Variants in S100A5 observed in about 807,000 individuals in gnomAD.
S100A5 encodes S100 calcium binding protein A5, also known as protein S100-A5.
S100A5 carries 5 observed loss-of-function variants against 6.7 expected under a neutral mutation model. The ratio of observed to expected loss-of-function variants is 0.75; its 90% confidence interval spans 0.39 to 1.57. The LOEUF (loss-of-function observed/expected upper bound fraction) is 1.57, where lower values mean the gene tolerates loss of function less well. Ranked by LOEUF, S100A5 falls within the 40% of genes most tolerant of loss-of-function variation. The pLI is 0.03. For missense variants in S100A5, 129 were observed against 110.8 expected (o/e 1.16, Z -0.74); for synonymous variants, 49 against 44.9 (o/e 1.09, Z -0.37).
upstream of S100A5, among the ~76,000 whole-genome samples, chr1:153,542,670 G>A (rs982880033): frequency 1.3e-5 from 2 of 152,150 alleles, no homozygotes; most frequent in Non-Finnish European, 2.9e-5. Flanking sequence ...AGATCCCTGA[G>A]TCACCCAGAC....
Position 153,537,275 on chromosome 1 carries a change from G to T in S100A5, c.*21C>A. The stretch of plus-strand genomic sequence containing the variant: ...AGGTCAGCAGCAAAGGGTGGAGGGT[G>T]AGGGTGGAGGGCAGCCCTGGTCACT... On this transcript the variant is annotated 3_prime_UTR_variant, in exon 3 of 3. Transcript: ENST00000368717. The T allele has an allele frequency of 6.2e-7, 1 of 1,606,808 alleles. No individual in the cohort carries two copies. The highest frequency in any genetic ancestry group is 8.5e-7 in the Non-Finnish European group (1 of 1,174,112).
chr1:153,538,834 A>G (rs1467272742), intron 2 of S100A5, among the ~76,000 whole-genome samples: 3 of 152,208 alleles, frequency 2.0e-5, no homozygotes, highest in South Asian at 2.1e-4. Flanking sequence ...TTTTTTAACT[A>G]TAAAAATAAT....
chr1:153,540,169 G>T lies in S100A5; in HGVS notation c.23C>A (p.Ala8Asp). Residue 8 changes from alanine (A) to aspartate (D), a missense_variant, in exon 2 of 3, where the codon GCC (alanine) becomes GAC (aspartate). By Grantham distance (126) the Ala-to-Asp change is moderately radical (BLOSUM62 -2). Coordinates refer to ENST00000368717, the MANE Select transcript of S100A5 (RefSeq NM_001394232.1). METPLEK[A>D]LTTMVTTFHK... ...AAACGTGGTCACCATAGTGGTCAGGGCCTTCTCCAGAGGAGTCTCCATCAC... is the reference window on the plus strand; with the variant it reads ...AAACGTGGTCACCATAGTGGTCAGGTCCTTCTCCAGAGGAGTCTCCATCAC... The T allele has an allele frequency of 1.2e-6, 2 of 1,614,134 alleles. No homozygotes were observed. Among genetic ancestry groups the T allele is most frequent in the Admixed American group, 1.7e-5 (1 of 60,024 alleles).
chr1:153,542,735 G>A (rs763724190), upstream of S100A5, among the ~76,000 whole-genome samples: 4 of 152,168 alleles, frequency 2.6e-5, no homozygotes, highest in Non-Finnish European at 5.9e-5. Context: ...CACTGGCCTT[G>A]AACCTACCTA....
intron 1 of S100A5, 108 bp downstream of exon 1, chr1:153,540,513 C>T: frequency 4.0e-6 from 1 of 247,808 alleles, no homozygotes; most frequent in East Asian, 9.0e-5. Context: ...GCCCTGGTGG[C>T]AGATGGTGGA....
Position 153,540,192 on chromosome 1 carries a change from C to T in S100A5, c.-1G>A. On this transcript the variant is annotated 5_prime_UTR_variant, in exon 2 of 3. Coordinates refer to ENST00000368717, the MANE Select transcript of S100A5 (RefSeq NM_001394232.1). ...GGGCCTTCTCCAGAGGAGTCTCCAT[C>T]ACAGTGTGCAGCTCTGTAGAGGGAG... 1.2e-6 allele frequency: 2 copies of T among 1,614,154 alleles called. No homozygotes were observed. Among genetic ancestry groups the T allele is most frequent in the Non-Finnish European group, 1.7e-6 (2 of 1,180,000 alleles).
upstream of S100A5, chr1:153,541,618 C>T: frequency 8.4e-7 from 1 of 1,194,380 alleles, no homozygotes; most frequent in South Asian, 1.5e-5. Context: ...TGGGGACACA[C>T]TGAGTTCCCA....
intron 2 of S100A5, among the ~76,000 whole-genome samples, chr1:153,539,150 A>G (rs1343910644): frequency 6.6e-6 from 1 of 151,772 alleles, no homozygotes; most frequent in Non-Finnish European, 1.5e-5. Flanking sequence ...ATCCTTGGCC[A>G]GGCGCAGTGG....
At chr1:153,542,705 C>T (rs1363198093), upstream of S100A5, among the ~76,000 whole-genome samples, 1 of 152,200 alleles carries the variant, frequency 6.6e-6, no homozygotes, top group Non-Finnish European at 1.5e-5. Flanking sequence ...TAACCTCAAC[C>T]CACCACTGCA....
chr1:153,542,375 G>A (rs1308987367), upstream of S100A5, among the ~76,000 whole-genome samples: 2 of 152,232 alleles, frequency 1.3e-5, no homozygotes, highest in Non-Finnish European at 2.9e-5. Context: ...TATGCAGTAG[G>A]CATCTCTGAA....
upstream of S100A5, chr1:153,541,906 A>T: frequency 2.0e-6 from 2 of 1,004,978 alleles, no homozygotes; most frequent in Non-Finnish European, 2.4e-6. Flanking sequence ...TCTGCGAAGG[A>T]TATGGTCAAG....
intron 2 of S100A5, 109 bp from the exon 3 acceptor site, chr1:153,537,545 G>T: frequency 7.3e-7 from 1 of 1,367,166 alleles, no homozygotes. Context: ...AGCCCCAGCT[G>T]AGTCAATGAC....
At chr1:153,541,340 C>T (rs1665380786), upstream of S100A5, 1 of 1,343,164 alleles carries the variant, frequency 7.4e-7, no homozygotes, top group Non-Finnish European at 1.0e-6. Flanking sequence ...CCAGCGTGAC[C>T]CACCAGATAT....
At chr1:153,539,735 C>T (rs1462258127) in intron 2 of S100A5, among the ~76,000 whole-genome samples, 1 of 151,992 alleles carries the variant, frequency 6.6e-6, no homozygotes, top group East Asian at 1.9e-4. Flanking sequence ...ACCCTGCATC[C>T]CTTCACCACC....
In S100A5 at chr1:153,540,093, T is replaced by C; in HGVS notation, c.99A>G (p.Glu33=). The change falls in exon 2 of 3, where the codon GAA becomes GAG. Residue 33 remains glutamate (E), a synonymous_variant. Coordinates refer to ENST00000368717, the MANE Select transcript of S100A5 (RefSeq NM_001394232.1). ...GCTCTTTCTTGATCAGCTCCTTGAG[T>C]TCCTTCCTACTCAGGGTCAGTTTGC... is the stretch of plus-strand genomic sequence containing the variant. The part of the protein sequence containing the change: ...EGSKLTLSRK[E]LKELIKKELC... 2 of 1,614,080 alleles carry C rather than the reference T, an allele frequency of 1.2e-6. No homozygotes were observed. The highest frequency in any genetic ancestry group is 8.5e-7 in the Non-Finnish European group (1 of 1,180,008).
At chr1:153,537,536 G>A in intron 2 of S100A5, 100 bp from the exon 3 acceptor site, 1 of 1,449,722 alleles carries the variant, frequency 6.9e-7, no homozygotes, top group Non-Finnish European at 9.5e-7. Flanking sequence ...TTCAGGGTGA[G>A]CCCCAGCTGA....
At chr1:153,543,145 A>T (rs770913592), upstream of S100A5, 11 of 844,728 alleles carry the variant, frequency 1.3e-5, no homozygotes, top group Middle Eastern at 5.8e-4. Context: ...TGGACTGTCA[A>T]CGTCAGCACT....
chr1:153,541,289 C>G (rs1665376965), upstream of S100A5: 5 of 1,009,836 alleles, frequency 5.0e-6, no homozygotes, highest in Non-Finnish European at 7.2e-6. Flanking sequence ...TGGGGCCAGG[C>G]CTCCTTGGTG....
At chr1:153,542,958 A>T (rs1277506867), upstream of S100A5, among the ~76,000 whole-genome samples, 1 of 152,062 alleles carries the variant, frequency 6.6e-6, no homozygotes, top group African/African-American at 2.4e-5. Flanking sequence ...AACAGATCTC[A>T]TCCAGGGACC....
Sources: gnomAD v4.1 joint callset for allele counts (sites outside exome capture counted in the v4.1 genomes callset) on GRCh38, gnomAD v4.1.1 for gene constraint, MANE v1.5 for transcripts, NCBI Gene and HGNC (gene_info 2026-07-23, HGNC 2026-07-21) for gene names.